CAMK2B: variants seen among roughly 807,000 people sequenced by gnomAD.
CAMK2B encodes the protein calcium/calmodulin dependent protein kinase II beta.
Under a neutral mutation model 93.7 loss-of-function variants are expected in CAMK2B, and 27 were observed. The observed-to-expected ratio is 0.29, with a 90% CI of 0.21 to 0.40. The LOEUF (loss-of-function observed/expected upper bound fraction) is 0.40, where lower values mean the gene tolerates loss of function less well. CAMK2B is among the 10% of genes least tolerant of loss of function. CAMK2B has a pLI of 1.00. For missense variants in CAMK2B, 568 were observed against 895.8 expected, an observed-to-expected ratio of 0.63 and a Z score of 4.67; for synonymous variants, 374 against 358.8, an observed-to-expected ratio of 1.04 and a Z score of -0.48.
chr7:44,280,864 C>T (rs978602931), intron 2 of CAMK2B, among the ~76,000 whole-genome samples: 6 of 152,178 alleles, frequency 3.9e-5, no homozygotes, highest in Admixed American at 2.0e-4. Flanking sequence ...GCAGGTGAAA[C>T]GCCCATGTGG....
chr7:44,321,098 T>C (rs552527609), intron 1 of CAMK2B, among the ~76,000 whole-genome samples: 2 of 152,332 alleles, frequency 1.3e-5, no homozygotes, highest in South Asian at 4.1e-4. Context: ...GTGCCTGGTG[T>C]GCTCTGGGGA....
At chr7:44,246,987 GAC>G (rs200448042) in intron 6 of CAMK2B, 131 bp downstream of exon 6, 448 of 671,698 alleles carry the variant, frequency 6.7e-4, no homozygotes, top group Non-Finnish European at 7.1e-4. Context: ...TGCACACAAG[GAC>G]ACACACACAC....
In CAMK2B at chr7:44,247,150, G is replaced by A; in HGVS notation, c.384C>T (p.His128=). Residue 128 remains histidine, a synonymous_variant, in exon 6 of 24, where the codon CAC becomes CAT. Coordinates refer to ENST00000395749, the MANE Select transcript of CAMK2B (RefSeq NM_001220.5). ...GGTCTCTGTGGACGACCCCCATTTG[G>A]TGACAATGGAGAACGGCCTCCAGGA... The part of the protein sequence containing the change: ...QQILEAVLHC[H]QMGVVHRDLK... 1 of 1,614,114 alleles carries A rather than the reference G, an allele frequency of 6.2e-7. No homozygotes were observed. The highest frequency in any genetic ancestry group is 8.5e-7 in the Non-Finnish European group (1 of 1,179,988).
At chr7:44,251,876 C>T (rs1209000432) in intron 5 of CAMK2B, among the ~76,000 whole-genome samples, 1 of 152,156 alleles carries the variant, frequency 6.6e-6, no homozygotes. Flanking sequence ...TTCCTGAGGA[C>T]CCTAGAAATC....
intron 16 of CAMK2B, among the ~76,000 whole-genome samples, chr7:44,231,535 A>G (rs2096579367): frequency 6.6e-6 from 1 of 152,238 alleles, no homozygotes; most frequent in South Asian, 2.1e-4. Flanking sequence ...GTAAAACACA[A>G]TGGGACTGGC....
intron 2 of CAMK2B, among the ~76,000 whole-genome samples, chr7:44,264,316 G>C (rs1265424078): frequency 6.6e-6 from 1 of 152,210 alleles, no homozygotes; most frequent in Non-Finnish European, 1.5e-5. Flanking sequence ...GACTGGCTGA[G>C]TCATGTCTGG....
At position 44,217,736 on chromosome 7, in the gene CAMK2B, C is replaced by T. The variant is rs2096358401; in HGVS notation, c.*1789G>A. 6.6e-6 allele frequency: 1 copy of T among 152,262 alleles called. No homozygotes were observed. The highest frequency in any genetic ancestry group is 1.5e-5 in the Non-Finnish European group (1 of 68,068). The allele number at this position is 152,262 out of a possible 1,614,324, so 9.4% of individuals were successfully genotyped here. ...TCCCCATTCTGTGCCCCTCCCTTGG[C>T]TTGATTTGTAGGGGAAGATAAAGAA... On this transcript the variant is annotated 3_prime_UTR_variant, in exon 24 of 24. Transcript: ENST00000395749.
Position 44,271,064 on chromosome 7 carries a change from A to G in CAMK2B, c.161-8000T>C, listed in dbSNP as rs2096970057. On this transcript the variant is annotated intron_variant, in intron 2 of 23. Transcript: ENST00000395749. The surrounding 1 kb of genome is among the most constrained non-coding windows in gnomAD (Gnocchi z 4.2). ...CTCTCCAGTAGCTGGGATTACAGGT[A>G]TGCGCCATCACACCTGGCTAATTTT... Among the ~76,000 whole-genome samples, 1 of 152,066 alleles carries G rather than the reference A, an allele frequency of 6.6e-6. No homozygotes were observed. The highest frequency in any genetic ancestry group is 1.9e-4 in the East Asian group (1 of 5,184).
rs376632357 is a variant in CAMK2B at position 44,318,556 on chromosome 7, C to T, written c.65+6801G>A. ...AGGCTCCTCAGCTCCTTGCTGGAAA[C>T]GGCACTCACTGGGATGTGCTTGACA... On this transcript the variant is annotated intron_variant, in intron 1 of 23. Transcript: ENST00000395749. Among the ~76,000 whole-genome samples the T allele has an allele frequency of 1.7e-4, 26 of 152,308 alleles. No individual in the cohort carries two copies. In the East Asian group the frequency reaches 4.8e-3, roughly 28 times the overall value.
chr7:44,236,725 T>C (rs560654159), intron 13 of CAMK2B, among the ~76,000 whole-genome samples: 2 of 152,172 alleles, frequency 1.3e-5, no homozygotes, highest in Non-Finnish European at 2.9e-5. Flanking sequence ...CTCCTGTCTG[T>C]GCATCCCACC....
chr7:44,255,915 T>C (rs1354990179), intron 4 of CAMK2B, among the ~76,000 whole-genome samples: 4 of 152,146 alleles, frequency 2.6e-5, no homozygotes, highest in African/African-American at 9.7e-5. Context: ...GAGGGTGAAA[T>C]GCACTGGGAA....
rs2096362292 is a variant in CAMK2B, at chr7:44,218,509, G to A, written c.*1016C>T. On this transcript the variant is annotated 3_prime_UTR_variant, in exon 24 of 24. Coordinates refer to ENST00000395749, the MANE Select transcript of CAMK2B (RefSeq NM_001220.5). ...GCTCCCCCTTGCGGGCTGCAGAGAA[G>A]CCGAACAGGCTGGGGGAGGGCCGAG... The A allele has an allele frequency of 6.6e-6, 1 of 152,312 alleles. No homozygotes were observed. Among genetic ancestry groups the A allele is most frequent in the Non-Finnish European group, 1.5e-5 (1 of 68,068 alleles). The allele number at this position is 152,312 out of a possible 1,614,324, so 9.4% of individuals were successfully genotyped here.
At chr7:44,220,437 T>C in intron 22 of CAMK2B, 143 bp from the exon 23 acceptor site, 1 of 864,758 alleles carries the variant, frequency 1.2e-6, no homozygotes, top group Non-Finnish European at 1.8e-6. Context: ...CATGGGCCCC[T>C]CCAAGAGTGG....
intron 5 of CAMK2B, among the ~76,000 whole-genome samples, chr7:44,253,059 C>A (rs2096794709): frequency 6.6e-6 from 1 of 152,248 alleles, no homozygotes; most frequent in African/African-American, 2.4e-5. Flanking sequence ...GCTGCTCACA[C>A]TGCCCATCAG....
intron 2 of CAMK2B, among the ~76,000 whole-genome samples, chr7:44,264,483 G>A (rs77233044): frequency 0.023 from 3,524 of 152,188 alleles, 123 homozygotes; most frequent in African/African-American, 0.08. Context: ...ACAGGCATTC[G>A]TCTCCCTGCC....
intron 6 of CAMK2B, chr7:44,245,152 A>C: frequency 2.8e-6 from 1 of 359,686 alleles, no homozygotes; most frequent in South Asian, 2.0e-5. Context: ...CGTTAAGTGA[A>C]CATGGACCGT....
chr7:44,252,233 T>C (rs1303301776), intron 5 of CAMK2B, among the ~76,000 whole-genome samples: 1 of 151,948 alleles, frequency 6.6e-6, no homozygotes, highest in East Asian at 1.9e-4. Context: ...CATTCCAGCC[T>C]CCACCTGGGG....
At chr7:44,233,546 T>C (rs1163410867) in intron 15 of CAMK2B, among the ~76,000 whole-genome samples, 1 of 152,124 alleles carries the variant, frequency 6.6e-6, no homozygotes, top group Non-Finnish European at 1.5e-5. Context: ...CCAAGCCTGC[T>C]TCCAGCAAAT....
At chr7:44,258,254 C>T (rs1000531999) in intron 4 of CAMK2B, among the ~76,000 whole-genome samples, 4 of 152,172 alleles carry the variant, frequency 2.6e-5, no homozygotes, top group Non-Finnish European at 4.4e-5. Flanking sequence ...CATGCATGCA[C>T]ACACATGCAA....
Sources: allele counts gnomAD v4.1 joint callset (sites outside exome capture counted in the v4.1 genomes callset), GRCh38; gene constraint gnomAD v4.1.1; non-coding constraint Gnocchi (gnomAD v3.1); transcripts MANE v1.5; gene names NCBI Gene and HGNC (gene_info 2026-07-23, HGNC 2026-07-21).